CLASP1: variants seen among roughly 807,000 people sequenced by gnomAD.
CLASP1 encodes the protein cytoplasmic linker associated protein 1.
A neutral mutation model predicts 192.3 loss-of-function variants in CLASP1; 38 were observed. The observed-to-expected ratio is 0.20, with a 90% CI of 0.15 to 0.26. The LOEUF is 0.26. Ranked by LOEUF, CLASP1 falls within the 10% of genes least tolerant of loss-of-function variation. The pLI, the probability that CLASP1 is intolerant of heterozygous loss-of-function variation, is 1.00. For synonymous variants in CLASP1, 691 were observed against 712.8 expected (o/e 0.97, Z 0.49); for missense variants, 1,433 against 1,932.5 (o/e 0.74, Z 4.85).
At chr2:121,433,944 T>A (rs571202416) in intron 19 of CLASP1, among the ~76,000 whole-genome samples, 74 of 152,344 alleles carry the variant, frequency 4.9e-4, no homozygotes, top group Middle Eastern at 6.8e-3. Flanking sequence ...TATTATTATT[T>A]TTTTTTGCAT....
At chr2:121,382,388 G>C in intron 32 of CLASP1, 64 bp from the exon 34 acceptor site, 12 of 961,592 alleles carry the variant, frequency 1.2e-5, no homozygotes, top group Non-Finnish European at 1.7e-5. Context: ...AGGGGAGGAG[G>C]AAAGCACTAC....
At chr2:121,479,098 C>A (rs544246839) in intron 8 of CLASP1, among the ~76,000 whole-genome samples, 1 of 137,784 alleles carries the variant, frequency 7.3e-6, no homozygotes, top group Non-Finnish European at 1.6e-5. Flanking sequence ...GGTGAAAGAC[C>A]GGATGCTTTC....
At chr2:121,423,501 A>T (rs2079866871) in intron 22 of CLASP1, among the ~76,000 whole-genome samples, 1 of 152,210 alleles carries the variant, frequency 6.6e-6, no homozygotes, top group South Asian at 2.1e-4. Context: ...AAAGGAAAAA[A>T]AATCTCAAAA....
At chr2:121,449,653 C>T (rs2149790188) in intron 16 of CLASP1, among the ~76,000 whole-genome samples, 2 of 152,184 alleles carry the variant, frequency 1.3e-5, no homozygotes, top group Middle Eastern at 6.8e-3. Context: ...ACAGCATAAA[C>T]AGATTATTAA....
exon 25 of CLASP1, chr2:121,407,583 G>C (rs1341291867): frequency 6.2e-7 from 1 of 1,613,972 alleles, no homozygotes; most frequent in Non-Finnish European, 8.5e-7. Flanking sequence ...TCCTCAGTCT[G>C]CCGCAGATAA....
intron 34 of CLASP1, among the ~76,000 whole-genome samples, chr2:121,372,826 A>T (rs1329966826): frequency 1.3e-5 from 2 of 152,212 alleles, no homozygotes; most frequent in Non-Finnish European, 2.9e-5. Context: ...TACCCCAGTG[A>T]GCACATCCTT....
At chr2:121,428,670 A>G (rs1407655996) in intron 20 of CLASP1, among the ~76,000 whole-genome samples, 1 of 152,182 alleles carries the variant, frequency 6.6e-6, no homozygotes, top group African/African-American at 2.4e-5. Flanking sequence ...AACGGACTCA[A>G]TCTATCCTGA....
intron 30 of CLASP1, among the ~76,000 whole-genome samples, chr2:121,390,028 T>C (rs1167438228): frequency 6.6e-6 from 1 of 152,178 alleles, no homozygotes. Context: ...GCATATGCCA[T>C]AGTGCCGGGC....
intron 1 of CLASP1, among the ~76,000 whole-genome samples, chr2:121,640,569 A>ATC (rs2071858143): frequency 6.6e-6 from 1 of 152,178 alleles, no homozygotes; most frequent in South Asian, 2.1e-4. Context: ...GGAAGTCTGC[A>ATC]TCTCTACATC....
intron 30 of CLASP1, among the ~76,000 whole-genome samples, chr2:121,390,046 T>C (rs2074077118): frequency 6.6e-6 from 1 of 152,172 alleles, no homozygotes; most frequent in South Asian, 2.1e-4. Flanking sequence ...GGCCCAAGTA[T>C]CCAATTTTTA....
rs376118817 is a variant in CLASP1 at position 121,515,729 on chromosome 2, T to C, written c.580A>G (p.Ile194Val). The change falls in exon 7 of 40, where the codon ATT becomes GTT. Residue 194 changes from isoleucine (I) to valine (V), a missense_variant. Ile to Val is a conservative substitution (Grantham distance 29). This residue lies in a region of CLASP1 where 282 missense variants were observed against 359.9 expected (regional missense o/e 0.78). Coordinates refer to ENST00000263710, the Ensembl canonical transcript of CLASP1. ...ACACGTTCTCCTACATGTCTGTAAA[T>C]TTCCACTAAGCTGTTTATTGCTGCA... The C allele has an allele frequency of 5.6e-6, 9 of 1,613,872 alleles. No individual in the cohort carries two copies. In the African/African-American group the frequency reaches 1.1e-4, roughly 19 times the overall value.
At chr2:121,620,080 G>T (rs1029818118) in intron 1 of CLASP1, among the ~76,000 whole-genome samples, 44 of 151,858 alleles carry the variant, frequency 2.9e-4, no homozygotes, top group African/African-American at 1.1e-3. Flanking sequence ...AAAGTAGCCG[G>T]GAGTGGTGGC....
intron 19 of CLASP1, among the ~76,000 whole-genome samples, chr2:121,432,433 T>C (rs1171313110): frequency 2.6e-5 from 4 of 152,200 alleles, no homozygotes; most frequent in Admixed American, 1.3e-4. Context: ...ATTAGCCTTT[T>C]TTAAAAGACA....
At position 121,412,995 on chromosome 2, in the gene CLASP1, T is replaced by C. The variant is rs752027798; in HGVS notation, c.2321-2026A>G. On this transcript the variant is annotated intron_variant, in intron 23 of 39. Transcript: ENST00000263710. ...TATAGGAGGCTGGGCACGGCGGCTTTGCCTGTAATCCCAGCACTCTGGGAG... is the reference window on the plus strand; with the variant it reads ...TATAGGAGGCTGGGCACGGCGGCTTCGCCTGTAATCCCAGCACTCTGGGAG... Among the ~76,000 whole-genome samples the C allele has an allele frequency of 1.3e-4, 20 of 152,284 alleles. No homozygotes were observed. The South Asian group carries it at 2.5e-3, about 19-fold the overall frequency.
At chr2:121,407,326 T>C in intron 25 of CLASP1, 145 bp downstream of exon 26, 2 of 844,606 alleles carry the variant, frequency 2.4e-6, no homozygotes, top group South Asian at 3.7e-5. Context: ...TTGGTACCTT[T>C]AGTGCCTGTT....
intron 39 of CLASP1, among the ~76,000 whole-genome samples, chr2:121,344,234 T>C (rs1306972174): frequency 2.6e-5 from 4 of 152,244 alleles, no homozygotes; most frequent in East Asian, 3.9e-4. Flanking sequence ...CCTAGCAACA[T>C]GGCATCTCTC....
At chr2:121,475,329 C>T (rs1177530032) in intron 8 of CLASP1, among the ~76,000 whole-genome samples, 3 of 152,134 alleles carry the variant, frequency 2.0e-5, no homozygotes, top group Non-Finnish European at 4.4e-5. Flanking sequence ...ATAAGTTTAG[C>T]CTATGTTTCC....
rs553588840 is a variant in CLASP1 at position 121,495,098 on chromosome 2, G to A, written c.712+8069C>T. 6.7e-5 allele frequency among the ~76,000 whole-genome samples: 10 copies of A among 149,798 alleles called. No individual in the cohort carries two copies. In the East Asian group the frequency reaches 1.0e-3, roughly 15 times the overall value. On this transcript the variant is annotated intron_variant, in intron 8 of 39. Transcript: ENST00000263710. ...AACACTTTGGGAGGCCGAGGCGGGC[G>A]GATCACAAGGTCAGGAGATAGAGAC...
At chr2:121,421,351 G>A (rs1410366299) in intron 22 of CLASP1, among the ~76,000 whole-genome samples, 2 of 152,116 alleles carry the variant, frequency 1.3e-5, no homozygotes, top group Admixed American at 1.3e-4. Flanking sequence ...CGCCTCCTGG[G>A]TTCAAGTGAT....
Sources: allele counts gnomAD v4.1 joint callset (sites outside exome capture counted in the v4.1 genomes callset), GRCh38; gene constraint gnomAD v4.1.1; regional missense constraint gnomAD v4.1.1; transcripts MANE v1.5; gene names NCBI Gene and HGNC (gene_info 2026-07-23, HGNC 2026-07-21).